GLDC: variants seen among roughly 807,000 people sequenced by gnomAD.
The protein encoded by GLDC is glycine decarboxylase.
In GLDC, 104 loss-of-function variants were observed where a neutral mutation model predicts 121.3. The observed-to-expected ratio is 0.86, with a 90% CI of 0.73 to 1.01. The LOEUF (loss-of-function observed/expected upper bound fraction) is 1.01, where lower values mean the gene tolerates loss of function less well. Among genes scored for constraint, GLDC ranks in the 50% least tolerant of loss-of-function variants. The probability of loss-of-function intolerance (pLI) is 0.00; values close to 1 mark genes in which losing one functional copy is unlikely to be tolerated. For missense variants in GLDC, 1,429 were observed against 1,306.6 expected (o/e 1.09, Z -1.44); for synonymous variants, 546 against 480.6 (o/e 1.14, Z -1.78).
intron 2 of GLDC, among the ~76,000 whole-genome samples, chr9:6,632,989 A>G (rs144428853): frequency 7.9e-5 from 12 of 151,456 alleles, no homozygotes; most frequent in African/African-American, 2.7e-4. Flanking sequence ...CTCCCTGCAG[A>G]CCGATCAAGG....
In GLDC at chr9:6,602,108, C is replaced by A; in HGVS notation, c.1155+1G>T. The A allele has an allele frequency of 6.3e-7, 1 of 1,584,424 alleles. No individual in the cohort carries two copies. Among genetic ancestry groups the A allele is most frequent in the African/African-American group, 1.3e-5 (1 of 74,398 alleles). On this transcript the variant is annotated splice_donor_variant, in intron 8 of 24. Coordinates refer to ENST00000321612, the MANE Select transcript of GLDC (RefSeq NM_000170.3). LOFTEE classifies it high-confidence loss of function. ...GTAGTCAGGTCAGACGTGTGATTTA[C>A]CTGAGCTGTACAGATGTTGCTGGTA...
chr9:6,609,472 C>A (rs1285503057), intron 4 of GLDC, among the ~76,000 whole-genome samples: 2 of 152,092 alleles, frequency 1.3e-5, no homozygotes, highest in African/African-American at 4.8e-5. Flanking sequence ...CCTCTTACAA[C>A]CCCACCAAAC....
chr9:6,604,465 G>C, intron 7 of GLDC, 123 bp downstream of exon 7: 1 of 879,578 alleles, frequency 1.1e-6, no homozygotes, highest in South Asian at 1.4e-5. Flanking sequence ...AATCTATGTT[G>C]TACATTTCCT....
chr9:6,580,700 C>T (rs1302201532), intron 15 of GLDC, among the ~76,000 whole-genome samples: 1 of 152,172 alleles, frequency 6.6e-6, no homozygotes, highest in Non-Finnish European at 1.5e-5. Context: ...AAAGCTGGTG[C>T]CATAGTTATT....
chr9:6,566,011 G>A (rs1817848594), intron 15 of GLDC: 1 of 175,438 alleles, frequency 5.7e-6, no homozygotes, highest in African/African-American at 2.4e-5. Context: ...GGGGGCCGAT[G>A]TGGGCAGAGC....
chr9:6,633,140 T>C (rs1400139217), intron 2 of GLDC, among the ~76,000 whole-genome samples: 2 of 152,176 alleles, frequency 1.3e-5, no homozygotes, highest in Non-Finnish European at 2.9e-5. Context: ...AGGATCCTTA[T>C]GTCTTTATGC....
chr9:6,570,329 A>G (rs1308230055), intron 15 of GLDC, among the ~76,000 whole-genome samples: 1 of 152,270 alleles, frequency 6.6e-6, no homozygotes, highest in African/African-American at 2.4e-5. Context: ...TAAAAATTAT[A>G]GTACCAAGAA....
At chr9:6,557,680 AG>A (rs1817664012) in intron 17 of GLDC, 1 of 152,168 alleles carries the variant, frequency 6.6e-6, no homozygotes, top group South Asian at 2.1e-4. Flanking sequence ...TGTAAATAAA[AG>A]TCTTCTTTAT....
At chr9:6,586,742 AATAG>A (rs1196109979) in intron 15 of GLDC, among the ~76,000 whole-genome samples, 2 of 152,208 alleles carry the variant, frequency 1.3e-5, no homozygotes, top group African/African-American at 4.8e-5. Flanking sequence ...GACTTGCTTT[AATAG>A]ATAGACTAAT....
At chr9:6,558,254 T>C in intron 17 of GLDC, 1 of 588,000 alleles carries the variant, frequency 1.7e-6, no homozygotes, top group Non-Finnish European at 3.0e-6. Context: ...GCCATTTTGA[T>C]TATTAAGTGG....
At position 6,592,132 on chromosome 9, in the gene GLDC, AT is replaced by A; in HGVS notation, c.1482+10del. The stretch of plus-strand genomic sequence containing the variant: ...GTTATGATGAGGAACGCATGTTTTT[AT>A]TTTACTTACTGCAGATGACTCACAA... On this transcript the variant is annotated intron_variant, in intron 11 of 24. Transcript: ENST00000321612. 6.5e-7 allele frequency: 1 copy of A among 1,534,554 alleles called. No homozygotes were observed. The highest frequency in any genetic ancestry group is 9.0e-7 in the Non-Finnish European group (1 of 1,107,544).
intron 2 of GLDC, among the ~76,000 whole-genome samples, chr9:6,644,055 A>T (rs1402746830): frequency 6.6e-6 from 1 of 150,544 alleles, no homozygotes; most frequent in African/African-American, 2.4e-5. Flanking sequence ...AAAAAACGAA[A>T]AAAAAAAGAA....
intron 20 of GLDC, among the ~76,000 whole-genome samples, chr9:6,552,704 G>A (rs1328333511): frequency 6.6e-6 from 1 of 152,134 alleles, no homozygotes; most frequent in Non-Finnish European, 1.5e-5. Flanking sequence ...CCAAACAAGT[G>A]TTCTTATTCA....
chr9:6,553,514 A>AC lies in GLDC; in HGVS notation c.2316-6_2316-5insG. The AC allele has an allele frequency of 6.2e-7, 1 of 1,601,908 alleles. No individual in the cohort carries two copies. Among genetic ancestry groups the AC allele is most frequent in the Non-Finnish European group, 8.6e-7 (1 of 1,169,562 alleles). On this transcript the variant is annotated splice_region_variant and splice_polypyrimidine_tract_variant and intron_variant, in intron 19 of 24. Coordinates refer to ENST00000321612, the MANE Select transcript of GLDC (RefSeq NM_000170.3). ...AACGGGGCGAGATGTTTCTTCCTGTATTTTTTTTAAGTGCAAATTCAGAAA... is the reference window on the plus strand; with the variant it reads ...AACGGGGCGAGATGTTTCTTCCTGTACTTTTTTTTAAGTGCAAATTCAGAAA...
At chr9:6,581,886 T>C (rs1818176314) in intron 15 of GLDC, among the ~76,000 whole-genome samples, 1 of 152,128 alleles carries the variant, frequency 6.6e-6, no homozygotes, top group Non-Finnish European at 1.5e-5. Context: ...CATGGAATGA[T>C]AGGTAATGTT....
At chr9:6,546,713 G>A (rs1029134132) in intron 21 of GLDC, among the ~76,000 whole-genome samples, 4 of 151,900 alleles carry the variant, frequency 2.6e-5, no homozygotes, top group Admixed American at 2.0e-4. Flanking sequence ...TGTAATCCCA[G>A]CATTTGGGGA....
chr9:6,645,267 A>G lies in GLDC; in HGVS notation c.233T>C (p.Met78Thr), dbSNP rs2130031822. The G allele has an allele frequency of 1.2e-6, 2 of 1,601,982 alleles. No homozygotes were observed. The highest frequency in any genetic ancestry group is 1.7e-6 in the Non-Finnish European group (2 of 1,174,330). ...IGPGDKDQRE[M>T]LQTLGLASID... ...TACCGCCAGCCCCAAGGTCTGCAGC[A>G]TCTCTCTCTGGTCTTTGTCCCCAGG... Residue 78 changes from methionine to threonine, a missense_variant, in exon 1 of 25, where the codon ATG becomes ACG. Physicochemically the swap from Met to Thr is moderately conservative, Grantham distance 81. Coordinates refer to ENST00000321612, the MANE Select transcript of GLDC (RefSeq NM_000170.3).
chr9:6,564,564 C>G (rs981404724), intron 16 of GLDC, among the ~76,000 whole-genome samples: 85 of 152,306 alleles, frequency 5.6e-4, no homozygotes, highest in African/African-American at 1.9e-3. Flanking sequence ...GATGCTTTTG[C>G]CCTGCTCTCG....
intron 3 of GLDC, among the ~76,000 whole-genome samples, chr9:6,617,513 C>T (rs1164640584): frequency 6.6e-6 from 1 of 152,122 alleles, no homozygotes; most frequent in Admixed American, 6.6e-5. Flanking sequence ...TTGAAATTAA[C>T]CTTGGAATTT....
Sources: allele counts gnomAD v4.1 joint callset (sites outside exome capture counted in the v4.1 genomes callset), GRCh38; gene constraint gnomAD v4.1.1; transcripts MANE v1.5; gene names NCBI Gene and HGNC (gene_info 2026-07-23, HGNC 2026-07-21).